Variants in GTF2A1L observed in about 807,000 individuals in gnomAD.
GTF2A1L encodes the protein TFIIA-alpha and beta-like factor.
In GTF2A1L, 48 loss-of-function variants were observed where a neutral mutation model predicts 49.7. The ratio of observed to expected loss-of-function variants is 0.97; its 90% CI spans 0.77 to 1.23. The LOEUF is 1.23. GTF2A1L is among the 50% of genes most tolerant of loss of function. The probability of loss-of-function intolerance (pLI) is 0.00; values close to 1 mark genes in which losing one functional copy is unlikely to be tolerated. For missense variants in GTF2A1L, 736 were observed against 564.8 expected (o/e 1.30, Z -3.07); for synonymous variants, 246 against 193.5 (o/e 1.27, Z -2.25).
At chr2:48,666,187 T>C (rs1233443433) in intron 6 of GTF2A1L, among the ~76,000 whole-genome samples, 1 of 151,852 alleles carries the variant, frequency 6.6e-6, no homozygotes, top group Non-Finnish European at 1.5e-5. Context: ...TCATTGTATT[T>C]AAAGTGAGTT....
intron 6 of GTF2A1L, among the ~76,000 whole-genome samples, chr2:48,650,292 CA>C (rs1677773354): frequency 6.6e-6 from 1 of 151,684 alleles, no homozygotes; most frequent in South Asian, 2.1e-4. Flanking sequence ...GCTGAATGAT[CA>C]AATCATTGGG....
intron 6 of GTF2A1L, among the ~76,000 whole-genome samples, chr2:48,664,102 A>C (rs1172100838): frequency 6.6e-6 from 1 of 152,144 alleles, no homozygotes; most frequent in Non-Finnish European, 1.5e-5. Context: ...AATAAAAAAA[A>C]ATATTTCTTC....
chr2:48,623,796 G>A (rs1466565672), intron 3 of GTF2A1L, among the ~76,000 whole-genome samples: 2 of 152,102 alleles, frequency 1.3e-5, no homozygotes, highest in African/African-American at 4.8e-5. Flanking sequence ...TATCCTAAGT[G>A]AATTAACACA....
At chr2:48,646,327 C>T (rs1330153082) in intron 5 of GTF2A1L, 126 bp from the exon 6 acceptor site, 16 of 751,614 alleles carry the variant, frequency 2.1e-5, no homozygotes, top group Non-Finnish European at 2.9e-5. Flanking sequence ...TAGAGATAAC[C>T]ACCATTAACA....
At position 48,654,276 on chromosome 2, in the gene GTF2A1L, G is replaced by A. The variant is rs1403425730; in HGVS notation, c.978+7234G>A. On this transcript the variant is annotated intron_variant, in intron 6 of 8. Transcript: ENST00000403751. ...TATATTATTTTGACTTCTGCTTCATGTGTCTTATCAAAGGCTGCAAAGATT... is the reference window on the plus strand; with the variant it reads ...TATATTATTTTGACTTCTGCTTCATATGTCTTATCAAAGGCTGCAAAGATT... Among the ~76,000 whole-genome samples the A allele has an allele frequency of 2.6e-5, 4 of 152,098 alleles. No homozygotes were observed. In the South Asian group the frequency reaches 8.3e-4, roughly 32 times the overall value.
At chr2:48,648,151 C>T (rs907334210) in intron 6 of GTF2A1L, among the ~76,000 whole-genome samples, 7 of 152,060 alleles carry the variant, frequency 4.6e-5, no homozygotes, top group African/African-American at 1.7e-4. Context: ...TTATTGAAAC[C>T]TGTTCAAGAT....
intron 3 of GTF2A1L, among the ~76,000 whole-genome samples, chr2:48,622,322 C>G (rs541086218): frequency 1.8e-4 from 27 of 152,308 alleles, no homozygotes; most frequent in African/African-American, 6.0e-4. Context: ...TAATTTTGCT[C>G]TGTAAGAATT....
In GTF2A1L at chr2:48,625,952, C is replaced by A. The variant is rs1228126448; in HGVS notation, c.247+4662C>A. ...AAAAAATCATTGCCAAGGCCATTGT[C>A]AAACAGGTTTTCCTCTGTGTTTTTG... On this transcript the variant is annotated intron_variant, in intron 3 of 8. Transcript: ENST00000403751. Among the ~76,000 whole-genome samples the A allele has an allele frequency of 2.8e-5, 4 of 143,964 alleles. 1 individual carries two copies. Among genetic ancestry groups the A allele is most frequent in the Non-Finnish European group, 4.7e-5 (3 of 63,984 alleles). 94.4% of individuals were successfully genotyped at this position (143,964 alleles called of 152,430 possible).
intron 5 of GTF2A1L, among the ~76,000 whole-genome samples, chr2:48,646,029 CT>C (rs1445569295): frequency 6.6e-6 from 1 of 151,418 alleles, no homozygotes; most frequent in Non-Finnish European, 1.5e-5. Context: ...ATTAAACTCT[CT>C]TTTGGATAGC....
At chr2:48,635,331 C>T (rs1429593195) in intron 3 of GTF2A1L, among the ~76,000 whole-genome samples, 1 of 152,166 alleles carries the variant, frequency 6.6e-6, no homozygotes, top group Non-Finnish European at 1.5e-5. Flanking sequence ...TCTGCCTGGG[C>T]ATGGAGTGGA....
intron 4 of GTF2A1L, 56 bp downstream of exon 4, chr2:48,642,513 G>A (rs766886757): frequency 1.4e-6 from 2 of 1,466,404 alleles, no homozygotes; most frequent in Non-Finnish European, 1.9e-6. Context: ...TTAGCGAGTG[G>A]TGGCAAAATG....
chr2:48,667,313 A>G (rs1336244741), intron 6 of GTF2A1L, among the ~76,000 whole-genome samples: 1 of 152,112 alleles, frequency 6.6e-6, no homozygotes, highest in Non-Finnish European at 1.5e-5. Context: ...GACTGAAGTA[A>G]ATAGTATTTA....
chr2:48,637,913 G>A (rs943767118), intron 3 of GTF2A1L, among the ~76,000 whole-genome samples: 4 of 152,108 alleles, frequency 2.6e-5, no homozygotes, highest in African/African-American at 9.7e-5. Flanking sequence ...TGACCCCACA[G>A]AAATAAAAAT....
At chr2:48,669,394 C>G (rs1305555553) in intron 6 of GTF2A1L, among the ~76,000 whole-genome samples, 1 of 152,044 alleles carries the variant, frequency 6.6e-6, no homozygotes, top group Non-Finnish European at 1.5e-5. Flanking sequence ...TGTTTAAAGT[C>G]AAATGAAATA....
intron 3 of GTF2A1L, among the ~76,000 whole-genome samples, chr2:48,630,052 G>A (rs1490572835): frequency 6.9e-6 from 1 of 144,154 alleles, no homozygotes; most frequent in African/African-American, 2.5e-5. Flanking sequence ...GTAATATGAT[G>A]CCTCCAGTTG....
intron 6 of GTF2A1L, among the ~76,000 whole-genome samples, chr2:48,653,093 C>T (rs184793386): frequency 4.3e-4 from 65 of 151,416 alleles, no homozygotes; most frequent in African/African-American, 9.2e-4. Flanking sequence ...GCCTGGCGTG[C>T]GGCTGTAGTC....
At position 48,675,387 on chromosome 2, in the gene GTF2A1L, A is replaced by G. The variant is rs150911461; in HGVS notation, c.1329+3707A>G. On this transcript the variant is annotated intron_variant, in intron 8 of 8. Coordinates refer to ENST00000403751, the MANE Select transcript of GTF2A1L (RefSeq NM_006872.5). ...AGAAGCAGTGTTTGGTTTCTTTAGT[A>G]TATTTTATTTGGATTTGATTAACAG... Among the ~76,000 whole-genome samples the G allele has an allele frequency of 7.0e-3, 1,066 of 152,164 alleles. 11 individuals are homozygous for G. Among genetic ancestry groups the G allele is most frequent in the Non-Finnish European group, 0.011 (751 of 67,938 alleles).
Position 48,669,738 on chromosome 2 carries a change from T to G in GTF2A1L, c.995T>G (p.Val332Gly), listed in dbSNP as rs149323972. Residue 332 changes from valine to glycine, a missense_variant, in exon 7 of 9, where the codon GTG becomes GGG. Transcript: ENST00000403751. ...TCTTTTTAGGATTCTAATTCTCAGG[T>G]GGATTTAAGCATTCGGGTTACTGAT... ...PVSEKDSNSQ[V>G]DLSIRVTDDD... 1.9e-5 allele frequency: 30 copies of G among 1,608,758 alleles called. No homozygotes were observed. Among genetic ancestry groups the G allele is most frequent in the Non-Finnish European group, 2.5e-5 (29 of 1,176,318 alleles).
In GTF2A1L at chr2:48,669,875, G is replaced by A. The variant is rs754363825; in HGVS notation, c.1132G>A (p.Gly378Arg). The change falls in exon 7 of 9, where the codon GGG (glycine) becomes AGG (arginine). Residue 378 changes from glycine (G) to arginine (R), a missense_variant. Transcript: ENST00000403751. ...GAATGAATTTCTAGGGAATATTGACGGGGGAGATCTGAAGGTACCTGAAGA... is the reference window on the plus strand; with the variant it reads ...GAATGAATTTCTAGGGAATATTGACAGGGGAGATCTGAAGGTACCTGAAGA... ...DENEFLGNID[G>R]GDLKVPEEEA... 22 of 1,613,834 alleles carry A rather than the reference G, an allele frequency of 1.4e-5. No homozygotes were observed. The South Asian group carries it at 2.1e-4, about 15-fold the overall frequency.
Sources: gnomAD v4.1 joint callset for allele counts (sites outside exome capture counted in the v4.1 genomes callset) on GRCh38, gnomAD v4.1.1 for gene constraint, MANE v1.5 for transcripts, NCBI Gene and HGNC (gene_info 2026-07-23, HGNC 2026-07-21) for gene names.